FMN1: variants seen among roughly 807,000 people sequenced by gnomAD.
FMN1 encodes formin-1.
A neutral mutation model predicts 132.4 loss-of-function variants in FMN1; 110 were observed. The ratio of observed to expected loss-of-function variants is 0.83; its 90% confidence interval spans 0.71 to 0.97. The LOEUF (loss-of-function observed/expected upper bound fraction) is 0.97. FMN1 is among the 50% of genes least tolerant of loss of function. The pLI, the probability that FMN1 is intolerant of heterozygous loss-of-function variation, is 0.00. For synonymous variants in FMN1, 722 were observed against 651.7 expected, an observed-to-expected ratio of 1.11 and a Z score of -1.64; for missense variants, 1,792 against 1,705.3, an observed-to-expected ratio of 1.05 and a Z score of -0.90.
At chr15:33,082,567 TG>T (rs2038524810) in intron 5 of FMN1, among the ~76,000 whole-genome samples, 1 of 152,140 alleles carries the variant, frequency 6.6e-6, no homozygotes, top group African/African-American at 2.4e-5. Flanking sequence ...AAACTGCACT[TG>T]TTATAAGAAT....
At chr15:33,150,316 C>T (rs560162830) in intron 4 of FMN1, 1 of 985,446 alleles carries the variant, frequency 1.0e-6, no homozygotes, top group East Asian at 1.1e-4. Context: ...TCCACAAAGG[C>T]TTGGGAACAT....
chr15:32,808,313 A>G (rs1361444907), intron 17 of FMN1, among the ~76,000 whole-genome samples: 1 of 152,234 alleles, frequency 6.6e-6, no homozygotes, highest in East Asian at 1.9e-4. Context: ...CCTGAGTGTC[A>G]TGAGCCAATC....
chr15:33,024,017 A>G (rs1362164094), intron 6 of FMN1, among the ~76,000 whole-genome samples: 4 of 152,122 alleles, frequency 2.6e-5, no homozygotes, highest in Non-Finnish European at 5.9e-5. Context: ...ATAACCAATA[A>G]AATGTTAGCA....
chr15:32,986,527 C>T (rs1239163528), intron 7 of FMN1, among the ~76,000 whole-genome samples: 8 of 152,048 alleles, frequency 5.3e-5, no homozygotes, highest in Non-Finnish European at 1.2e-4. Context: ...ATGTAAATCT[C>T]CCATCTAGGT....
intron 16 of FMN1, among the ~76,000 whole-genome samples, chr15:32,880,307 TTA>T (rs1327958125): frequency 6.6e-6 from 1 of 152,192 alleles, no homozygotes; most frequent in Non-Finnish European, 1.5e-5. Flanking sequence ...TTTTTCTGAT[TTA>T]GTTTGTTTTC....
chr15:33,127,965 A>AG (rs1491131756), intron 4 of FMN1, among the ~76,000 whole-genome samples: 1 of 152,100 alleles, frequency 6.6e-6, no homozygotes, highest in East Asian at 1.9e-4. Context: ...AAGGAAAGAA[A>AG]GGGGAAAGGA....
intron 4 of FMN1, among the ~76,000 whole-genome samples, chr15:33,139,533 G>A (rs1963920789): frequency 6.6e-6 from 1 of 152,228 alleles, no homozygotes. Context: ...GGAGGTTGCA[G>A]TGAGCTGAGA....
chr15:32,975,447 G>C (rs1238894230), intron 7 of FMN1, among the ~76,000 whole-genome samples: 1 of 152,134 alleles, frequency 6.6e-6, no homozygotes, highest in Non-Finnish European at 1.5e-5. Context: ...AATTTAAGGA[G>C]AGATAAAGAT....
At chr15:32,867,319 A>G (rs1456177041) in intron 16 of FMN1, among the ~76,000 whole-genome samples, 2 of 152,150 alleles carry the variant, frequency 1.3e-5, no homozygotes, top group Non-Finnish European at 2.9e-5. Context: ...TCCATGCGCT[A>G]CGTCTTGCCT....
chr15:33,106,055 T>G (rs1390708732), intron 4 of FMN1: 1 of 152,010 alleles, frequency 6.6e-6, no homozygotes, highest in Non-Finnish European at 1.5e-5. Flanking sequence ...TCCCAGTACA[T>G]AAGGGGAGGC....
chr15:32,908,507 C>A lies in FMN1; in HGVS notation c.3360G>T (p.Leu1120=), dbSNP rs545326062. Residue 1120 remains leucine (L), a synonymous_variant, in exon 12 of 21, where the codon CTG becomes CTT. Coordinates refer to ENST00000616417, the MANE Select transcript of FMN1 (RefSeq NM_001277313.2). ...ATCCTTACTGCTCAGGTTTATCCAG[C>A]AGCTTCAGTTCTTCTTCTTTGGATG... ...YETSKEEELK[L]LDKPEQFLHE... 1.2e-5 allele frequency: 20 copies of A among 1,610,138 alleles called. No homozygotes were observed. The highest frequency in any genetic ancestry group is 3.3e-5 in the Admixed American group (2 of 59,882).
intron 7 of FMN1, 85 bp downstream of exon 7, chr15:33,007,929 A>C: frequency 8.4e-7 from 1 of 1,186,430 alleles, no homozygotes; most frequent in South Asian, 1.4e-5. Context: ...TAACACTTCA[A>C]CTTAAGAGGA....
At chr15:33,034,323 C>CA (rs2141083895) in intron 6 of FMN1, among the ~76,000 whole-genome samples, 1 of 152,272 alleles carries the variant, frequency 6.6e-6, no homozygotes, top group Admixed American at 6.5e-5. Context: ...GACGTCCCAG[C>CA]ACTTTGGGAG....
chr15:32,956,260 A>G (rs1005086423), intron 9 of FMN1, among the ~76,000 whole-genome samples: 8 of 152,186 alleles, frequency 5.3e-5, no homozygotes, highest in Admixed American at 1.3e-4. Flanking sequence ...TTACTGTTGA[A>G]CAGCCAACAA....
intron 9 of FMN1, among the ~76,000 whole-genome samples, chr15:32,938,056 T>C (rs954469114): frequency 7.2e-5 from 11 of 152,080 alleles, no homozygotes; most frequent in African/African-American, 2.4e-4. Context: ...AAAAAGAAAC[T>C]TGAAGACTAT....
intron 4 of FMN1, among the ~76,000 whole-genome samples, chr15:33,109,509 A>G (rs2039615181): frequency 6.6e-6 from 1 of 152,126 alleles, no homozygotes; most frequent in South Asian, 2.1e-4. Flanking sequence ...CTACACAGCC[A>G]TAAAAAAGAA....
chr15:33,101,368 C>G (rs113570687), intron 4 of FMN1, among the ~76,000 whole-genome samples: 3,351 of 151,924 alleles, frequency 0.022, 121 homozygotes, highest in African/African-American at 0.077. Context: ...CTAGGGGTGT[C>G]TAATCTTTTG....
intron 6 of FMN1, among the ~76,000 whole-genome samples, chr15:33,040,768 G>A (rs1024594941): frequency 6.6e-6 from 1 of 152,114 alleles, no homozygotes; most frequent in East Asian, 1.9e-4. Flanking sequence ...CTTTTTTATC[G>A]AAGTTCACTT....
At chr15:32,889,185 G>A (rs912328863) in intron 15 of FMN1, among the ~76,000 whole-genome samples, 13 of 152,176 alleles carry the variant, frequency 8.5e-5, no homozygotes, top group Non-Finnish European at 1.8e-4. Flanking sequence ...CGAGGGCAGG[G>A]TGAAGTATAG....
Sources: allele counts gnomAD v4.1 joint callset (sites outside exome capture counted in the v4.1 genomes callset), GRCh38; gene constraint gnomAD v4.1.1; transcripts MANE v1.5; gene names NCBI Gene and HGNC (gene_info 2026-07-23, HGNC 2026-07-21).